Variants in ATRNL1 observed in about 807,000 individuals in gnomAD.
ATRNL1 encodes the protein attractin-like protein 1.
ATRNL1 carries 95 observed loss-of-function variants against 182.7 expected under a neutral mutation model. The observed-to-expected ratio is 0.52, with a 90% confidence interval of 0.44 to 0.62. The LOEUF is 0.62. Among genes scored for constraint, ATRNL1 ranks in the 20% least tolerant of loss-of-function variants. ATRNL1 has a pLI of 0.00. For synonymous variants in ATRNL1, 576 were observed against 568.3 expected (o/e 1.01, Z -0.19); for missense variants, 1,471 against 1,679.5 (o/e 0.88, Z 2.17).
At chr10:115,430,402 T>A (rs1440364464) in intron 21 of ATRNL1, among the ~76,000 whole-genome samples, 3 of 152,146 alleles carry the variant, frequency 2.0e-5, no homozygotes, top group Non-Finnish European at 4.4e-5. Context: ...CTATATTTGC[T>A]ATAGTATTTT....
At chr10:115,329,091 T>C (rs770522387) in intron 18 of ATRNL1, among the ~76,000 whole-genome samples, 21 of 152,096 alleles carry the variant, frequency 1.4e-4, no homozygotes, top group East Asian at 1.9e-4. Flanking sequence ...TGTATAGAGT[T>C]CCCCTTTCTC....
intron 21 of ATRNL1, among the ~76,000 whole-genome samples, chr10:115,427,283 G>A (rs565442544): frequency 5.3e-4 from 81 of 152,158 alleles, no homozygotes; most frequent in African/African-American, 1.9e-3. Context: ...TCGATGAAGG[G>A]TCTGTTGAAA....
chr10:115,873,905 T>A (rs1406578562), intron 28 of ATRNL1, among the ~76,000 whole-genome samples: 1 of 152,152 alleles, frequency 6.6e-6, no homozygotes, highest in Non-Finnish European at 1.5e-5. Flanking sequence ...ATTGCATCGA[T>A]CAGTTAAAGG....
chr10:115,324,963 G>T (rs1199430626), intron 18 of ATRNL1, among the ~76,000 whole-genome samples: 1 of 151,980 alleles, frequency 6.6e-6, no homozygotes, highest in East Asian at 1.9e-4. Context: ...TTTTAAAGTG[G>T]TATATGTGTT....
intron 26 of ATRNL1, among the ~76,000 whole-genome samples, chr10:115,627,925 T>C (rs1858211182): frequency 6.6e-6 from 1 of 151,940 alleles, no homozygotes; most frequent in Non-Finnish European, 1.5e-5. Context: ...GGCGGGCAGA[T>C]CACAAGGTCA....
chr10:115,825,230 A>G (rs1950401401), intron 27 of ATRNL1, among the ~76,000 whole-genome samples: 1 of 152,092 alleles, frequency 6.6e-6, no homozygotes, highest in Admixed American at 6.6e-5. Flanking sequence ...GAGTTGAACA[A>G]TGAGAACACA....
chr10:115,508,246 T>C (rs1320302316), intron 24 of ATRNL1, among the ~76,000 whole-genome samples: 2 of 152,064 alleles, frequency 1.3e-5, no homozygotes, highest in African/African-American at 4.8e-5. Flanking sequence ...TTAATTAATG[T>C]GGTGTTTGTT....
chr10:115,434,200 A>G (rs1846297156), intron 21 of ATRNL1, among the ~76,000 whole-genome samples: 1 of 152,178 alleles, frequency 6.6e-6, no homozygotes, highest in Admixed American at 6.5e-5. Context: ...TTTTTCTTAT[A>G]GATATATAGC....
intron 9 of ATRNL1, among the ~76,000 whole-genome samples, chr10:115,218,442 G>T (rs2144422664): frequency 6.6e-6 from 1 of 152,310 alleles, no homozygotes; most frequent in African/African-American, 2.4e-5. Flanking sequence ...ATCTCATGCA[G>T]TTGATCCTCT....
intron 26 of ATRNL1, among the ~76,000 whole-genome samples, chr10:115,631,695 G>A (rs1300730183): frequency 6.6e-6 from 1 of 151,892 alleles, no homozygotes; most frequent in African/African-American, 2.4e-5. Flanking sequence ...ATGATGATAT[G>A]GTCTAGTTAA....
At chr10:115,585,774 G>T (rs1555009737) in intron 26 of ATRNL1, among the ~76,000 whole-genome samples, 3 of 63,954 alleles carry the variant, frequency 4.7e-5, no homozygotes. Flanking sequence ...ATATTGTTAG[G>T]TGTGAATTTG....
chr10:115,615,841 T>A (rs1380139065), intron 26 of ATRNL1, among the ~76,000 whole-genome samples: 50 of 152,208 alleles, frequency 3.3e-4, no homozygotes, highest in Non-Finnish European at 7.3e-5. Context: ...TAAACCCATT[T>A]TCTTTATAAA....
chr10:115,486,536 A>G (rs1256618247), intron 24 of ATRNL1, among the ~76,000 whole-genome samples: 1 of 152,084 alleles, frequency 6.6e-6, no homozygotes, highest in Admixed American at 6.6e-5. Flanking sequence ...TTGGCCACAG[A>G]AATGTCTTCT....
Position 115,727,281 on chromosome 10 carries a change from C to T in ATRNL1, c.3829C>T (p.Arg1277Cys), listed in dbSNP as rs782173481. The T allele has an allele frequency of 3.1e-6, 5 of 1,614,040 alleles. No individual in the cohort carries two copies. The highest frequency in any genetic ancestry group is 1.1e-5 in the South Asian group (1 of 91,082). ...LLRERQQMASRPFASVDVALE... is the reference protein window; with the variant it reads ...LLRERQQMASCPFASVDVALE... ...TCGAGAACGACAGCAGATGGCCAGC[C>T]GTCCCTTTGCTTCTGTTGATGTAGC... Residue 1277 changes from arginine to cysteine, a missense_variant, in exon 27 of 29, where the codon CGT (arginine) becomes TGT (cysteine). Around this residue, in one of 3 missense-constraint regions of ATRNL1, gnomAD observed 437 missense variants for 506.0 expected, o/e 0.86. Coordinates refer to ENST00000355044, the MANE Select transcript of ATRNL1 (RefSeq NM_207303.4).
intron 25 of ATRNL1, among the ~76,000 whole-genome samples, chr10:115,541,453 A>G (rs1852355216): frequency 6.6e-6 from 1 of 152,210 alleles, no homozygotes; most frequent in Non-Finnish European, 1.5e-5. Context: ...TTAGTACACT[A>G]GAAATTGATG....
chr10:115,310,653 G>A (rs1853970388), intron 17 of ATRNL1, among the ~76,000 whole-genome samples: 1 of 152,048 alleles, frequency 6.6e-6, no homozygotes, highest in Non-Finnish European at 1.5e-5. Context: ...ATGATCTTTT[G>A]TATTTCTGTG....
chr10:115,641,593 C>T (rs1482728825), intron 26 of ATRNL1, among the ~76,000 whole-genome samples: 1 of 152,118 alleles, frequency 6.6e-6, no homozygotes, highest in Admixed American at 6.5e-5. Context: ...GGATTGTGTG[C>T]ACCTATGTGA....
chr10:115,915,056 C>T (rs1285617439), intron 28 of ATRNL1, among the ~76,000 whole-genome samples: 1 of 152,086 alleles, frequency 6.6e-6, no homozygotes, highest in Admixed American at 6.6e-5. Flanking sequence ...TGTGGCATTA[C>T]GAATATCTAG....
At chr10:115,581,545 A>C (rs1317351273) in intron 26 of ATRNL1, among the ~76,000 whole-genome samples, 1 of 152,152 alleles carries the variant, frequency 6.6e-6, no homozygotes, top group African/African-American at 2.4e-5. Flanking sequence ...GTAAAAATTA[A>C]ATATTAAAAG....
Sources: gnomAD v4.1 joint callset for allele counts (sites outside exome capture counted in the v4.1 genomes callset) on GRCh38, gnomAD v4.1.1 for gene constraint, gnomAD v4.1.1 regional missense constraint, MANE v1.5 for transcripts, NCBI Gene and HGNC (gene_info 2026-07-23, HGNC 2026-07-21) for gene names.